Variants in MYLK3 observed in about 807,000 individuals in gnomAD.
MYLK3 encodes the protein myosin light chain kinase 3, also known as MLC kinase.
MYLK3 carries 55 observed loss-of-function variants against 76.3 expected under a neutral mutation model. That is an observed-to-expected ratio of 0.72 (90% CI 0.58 to 0.90). The LOEUF is 0.90. Among genes scored for constraint, MYLK3 ranks in the 40% least tolerant of loss-of-function variants. The probability of loss-of-function intolerance (pLI) is 0.00; values close to 1 mark genes in which losing one functional copy is unlikely to be tolerated. For synonymous variants in MYLK3, 416 were observed against 425.4 expected, an observed-to-expected ratio of 0.98 and a Z score of 0.27; for missense variants, 973 against 1,053.6, an observed-to-expected ratio of 0.92 and a Z score of 1.06.
upstream of MYLK3, among the ~76,000 whole-genome samples, chr16:46,749,387 G>T (rs937186099): frequency 6.6e-6 from 1 of 152,270 alleles, no homozygotes; most frequent in Non-Finnish European, 1.5e-5. Context: ...GCCCCCAAGG[G>T]AGGGGGCTTT....
chr16:46,710,180 G>T lies in MYLK3; in HGVS notation c.2267+457C>A, dbSNP rs554502822. ...AGACTCCTGGGCCTTAGCCTTGGGT[G>T]GTTAATACCTTTGGTTATGTCCAGT... On this transcript the variant is annotated intron_variant, in intron 11 of 12. Transcript: ENST00000394809. Among the ~76,000 whole-genome samples the T allele has an allele frequency of 7.9e-5, 12 of 152,264 alleles. No homozygotes were observed. The South Asian group carries it at 2.5e-3, about 32-fold the overall frequency.
At chr16:46,711,717 G>A in intron 10 of MYLK3, 1 of 378,512 alleles carries the variant, frequency 2.6e-6, no homozygotes, top group Non-Finnish European at 5.2e-6. Context: ...TTTCTCTCCA[G>A]CTGAAGCTTG....
rs750536715 is a variant in MYLK3, at chr16:46,727,219, C to T, written c.1914+17G>A. 2.5e-6 allele frequency: 4 copies of T among 1,610,820 alleles called. No individual in the cohort carries two copies. Among genetic ancestry groups the T allele is most frequent in the Admixed American group, 1.7e-5 (1 of 59,954 alleles). The stretch of plus-strand genomic sequence containing the variant: ...GGACACCAGGGGCCCCTACCGCATG[C>T]CCAGGGCAGAACCCACCTTGAGGTC... On this transcript the variant is annotated intron_variant, in intron 8 of 12. Transcript: ENST00000394809.
intron 1 of MYLK3, among the ~76,000 whole-genome samples, chr16:46,744,595 G>A (rs887317796): frequency 6.6e-6 from 1 of 152,000 alleles, no homozygotes; most frequent in African/African-American, 2.4e-5. Context: ...CCCCACCTCG[G>A]CCTCCCAAAG....
At chr16:46,750,638 G>A (rs1967111184), upstream of MYLK3, among the ~76,000 whole-genome samples, 1 of 152,090 alleles carries the variant, frequency 6.6e-6, no homozygotes, top group Non-Finnish European at 1.5e-5. Flanking sequence ...AGGTTGCAGT[G>A]AGCCAAGATT....
At chr16:46,716,961 C>T (rs1354109021) in intron 9 of MYLK3, among the ~76,000 whole-genome samples, 1 of 152,182 alleles carries the variant, frequency 6.6e-6, no homozygotes, top group Non-Finnish European at 1.5e-5. Flanking sequence ...CCATACCTTG[C>T]CCTGTGCCCC....
At position 46,710,728 on chromosome 16, in the gene MYLK3, T is replaced by G. The variant is rs758782017; in HGVS notation, c.2176A>C (p.Asn726His). 6.8e-6 allele frequency: 11 copies of G among 1,613,978 alleles called. No individual in the cohort carries two copies. In the East Asian group the frequency reaches 2.5e-4, roughly 36 times the overall value. ...TCAGCATCAAAATCCCAGCTACAGT[T>G]TACAATGAAATTCATGGTCTCTGCA... The part of the protein sequence containing the change: ...TDAETMNFIV[N>H]CSWDFDADTF... Residue 726 changes from asparagine (N) to histidine (H), a missense_variant, in exon 11 of 13, where the codon AAC becomes CAC. By Grantham distance (68) the Asn-to-His change is moderately conservative. Transcript: ENST00000394809.
At chr16:46,726,871 G>A (rs1284585626) in intron 8 of MYLK3, 1 of 158,148 alleles carries the variant, frequency 6.3e-6, no homozygotes, top group African/African-American at 2.4e-5. Flanking sequence ...TCCGCACGGA[G>A]GGCTGGCGGG....
chr16:46,703,370 G>C lies in MYLK3; in HGVS notation c.*4334C>G, dbSNP rs778660647. ...TAAATTTCTAGAAATAAAATTTCTG[G>C]ATGAAAGAAAGCATGGGAATGACTT... On this transcript the variant is annotated 3_prime_UTR_variant, in exon 13 of 13. Transcript: ENST00000394809. The C allele has an allele frequency of 1.7e-4, 26 of 152,202 alleles. No homozygotes were observed. Among genetic ancestry groups the C allele is most frequent in the Admixed American group, 2.0e-4 (3 of 15,280 alleles). The allele number at this position is 152,202 out of a possible 1,614,324, so 9.4% of individuals were successfully genotyped here.
rs779133383 is a variant in MYLK3, at chr16:46,748,203, G to A, written c.-10C>T. Reference sequence around the variant, plus strand: ...TGGAGGTTCCTGACATGCTGGTGCAGGCTTGACAAGGGCAAGAGCGGGGAA... The same window carrying A: ...TGGAGGTTCCTGACATGCTGGTGCAAGCTTGACAAGGGCAAGAGCGGGGAA... On this transcript the variant is annotated 5_prime_UTR_variant, in exon 1 of 13. Transcript: ENST00000394809. The surrounding 1 kb of genome is among the most constrained non-coding windows in gnomAD (Gnocchi z 4.3). The A allele has an allele frequency of 4.4e-6, 7 of 1,607,634 alleles. No homozygotes were observed. The Admixed American group carries it at 1.2e-4, about 27-fold the overall frequency.
At chr16:46,763,003 AC>A in intron 1 of MYLK3, 1 of 977,842 alleles carries the variant, frequency 1.0e-6, no homozygotes, top group Non-Finnish European at 1.2e-6. Context: ...ACACCCCCCC[AC>A]ACACACACAG....
chr16:46,712,801 G>C (rs778962274), intron 9 of MYLK3, 25 bp from the exon 10 acceptor site: 4 of 1,559,966 alleles, frequency 2.6e-6, no homozygotes, highest in South Asian at 2.4e-5. Flanking sequence ...AGGGTACAAA[G>C]AAGCATGGGG....
Position 46,712,701 on chromosome 16 carries a change from C to G in MYLK3, c.2061G>C (p.Glu687Asp). ...EFLAPEVVNY[E>D]FVSFPTDMWS... ...ACATGTCTGTGGGGAATGAGACAAACTCATAATTGACGACTTCTGGGGCCA... is the reference window on the plus strand; with the variant it reads ...ACATGTCTGTGGGGAATGAGACAAAGTCATAATTGACGACTTCTGGGGCCA... The change falls in exon 10 of 13, where the codon GAG becomes GAC. Residue 687 changes from glutamate (E) to aspartate (D), a missense_variant. Glu to Asp is a conservative substitution (Grantham distance 45, BLOSUM62 2). Coordinates refer to ENST00000394809, the MANE Select transcript of MYLK3 (RefSeq NM_182493.3). 1 of 1,597,364 alleles carries G rather than the reference C, an allele frequency of 6.3e-7. No homozygotes were observed. The highest frequency in any genetic ancestry group is 8.5e-7 in the Non-Finnish European group (1 of 1,171,676).
At chr16:46,718,635 C>T (rs182653063) in intron 9 of MYLK3, among the ~76,000 whole-genome samples, 22 of 152,232 alleles carry the variant, frequency 1.4e-4, no homozygotes, top group Admixed American at 4.6e-4. Flanking sequence ...GAGGGTACCG[C>T]GTGGCCATGA....
At chr16:46,762,246 T>C (rs1473006546) in intron 1 of MYLK3, among the ~76,000 whole-genome samples, 11 of 152,262 alleles carry the variant, frequency 7.2e-5, no homozygotes, top group Non-Finnish European at 1.5e-4. Flanking sequence ...GTTGAAAATA[T>C]ACATGTATGT....
At chr16:46,731,788 G>A (rs909966939) in intron 4 of MYLK3, among the ~76,000 whole-genome samples, 1 of 152,122 alleles carries the variant, frequency 6.6e-6, no homozygotes, top group African/African-American at 2.4e-5. Flanking sequence ...TGGGCAGGTG[G>A]CGGTAAGAAA....
At chr16:46,722,655 T>A (rs1443405941) in intron 8 of MYLK3, among the ~76,000 whole-genome samples, 1 of 152,094 alleles carries the variant, frequency 6.6e-6, no homozygotes, top group Non-Finnish European at 1.5e-5. Flanking sequence ...GAACTTAAAT[T>A]TTATAACATT....
chr16:46,715,792 C>G (rs971648582), intron 9 of MYLK3, among the ~76,000 whole-genome samples: 2 of 152,166 alleles, frequency 1.3e-5, no homozygotes, highest in Non-Finnish European at 2.9e-5. Context: ...GGAGCCATGT[C>G]CCTGCTGAAA....
At chr16:46,740,228 C>T (rs1966907141) in intron 1 of MYLK3, 81 bp from the exon 2 acceptor site, 1 of 1,133,712 alleles carries the variant, frequency 8.8e-7, no homozygotes, top group Non-Finnish European at 1.3e-6. Context: ...AGCACCTCCC[C>T]CTTGTTTAAG....
Sources: allele counts gnomAD v4.1 joint callset (sites outside exome capture counted in the v4.1 genomes callset), GRCh38; gene constraint gnomAD v4.1.1; non-coding constraint Gnocchi (gnomAD v3.1); transcripts MANE v1.5; gene names NCBI Gene and HGNC (gene_info 2026-07-23, HGNC 2026-07-21).